Variants in MALRD1 observed in about 807,000 individuals in gnomAD.
The protein encoded by MALRD1 is MAM and LDL receptor class A domain containing 1.
In MALRD1, 247 loss-of-function variants were observed where a neutral mutation model predicts 242.1. That is an observed-to-expected ratio of 1.02 (90% CI 0.92 to 1.13). The LOEUF (loss-of-function observed/expected upper bound fraction) is 1.13. MALRD1 is among the 50% of genes most tolerant of loss of function. The probability of loss-of-function intolerance (pLI) is 0.00; values close to 1 mark genes in which losing one functional copy is unlikely to be tolerated. For synonymous variants in MALRD1, 995 were observed against 866.6 expected, an observed-to-expected ratio of 1.15 and a Z score of -2.60; for missense variants, 2,989 against 2,533.1, an observed-to-expected ratio of 1.18 and a Z score of -3.86.
intron 21 of MALRD1, among the ~76,000 whole-genome samples, chr10:19,313,644 A>G (rs1292975671): frequency 6.6e-6 from 1 of 151,652 alleles, no homozygotes; most frequent in Non-Finnish European, 1.5e-5. Context: ...TGAATCAATT[A>G]AAATGTTTTA....
At chr10:19,261,900 A>G (rs958360217) in intron 19 of MALRD1, among the ~76,000 whole-genome samples, 16 of 151,950 alleles carry the variant, frequency 1.1e-4, no homozygotes, top group African/African-American at 3.9e-4. Flanking sequence ...TCCACTGACT[A>G]CAACTGCAAG....
chr10:19,614,931 G>T (rs1441096990), intron 35 of MALRD1, among the ~76,000 whole-genome samples: 4 of 151,888 alleles, frequency 2.6e-5, no homozygotes, highest in Non-Finnish European at 5.9e-5. Flanking sequence ...AGTAAACAAA[G>T]CACTTTATTG....
chr10:19,445,326 T>A (rs1346751783), intron 28 of MALRD1, among the ~76,000 whole-genome samples: 1 of 152,228 alleles, frequency 6.6e-6, no homozygotes, highest in Non-Finnish European at 1.5e-5. Flanking sequence ...GTCAAAGTTA[T>A]TCTCCATCCA....
At chr10:19,141,259 G>A (rs923655669) in intron 10 of MALRD1, among the ~76,000 whole-genome samples, 4 of 152,122 alleles carry the variant, frequency 2.6e-5, no homozygotes, top group African/African-American at 4.8e-5. Flanking sequence ...CCTTGAAGAC[G>A]TTAAGTGAAA....
In MALRD1 at chr10:19,719,201, T is replaced by TACATATACAC. The variant is rs1564567225; in HGVS notation, c.6315-11504_6315-11503insCATATACACA. Among the ~76,000 whole-genome samples the TACATATACAC allele has an allele frequency of 3.1e-5, 3 of 95,872 alleles. No homozygotes were observed. In the East Asian group the frequency reaches 8.3e-4, roughly 26 times the overall value. The allele number at this position is 95,872 out of a possible 152,430, so 62.9% of individuals were successfully genotyped here. On this transcript the variant is annotated intron_variant, in intron 38 of 39. Transcript: ENST00000454679. ...ATATATATATATATACATACATATA[T>TACATATACAC]ATATATATATACACATACATACATA...
chr10:19,214,680 T>C (rs1475308672), intron 18 of MALRD1, among the ~76,000 whole-genome samples: 2 of 152,214 alleles, frequency 1.3e-5, no homozygotes, highest in Admixed American at 1.3e-4. Flanking sequence ...TCCTGGGAAC[T>C]TAACAATGTC....
chr10:19,530,362 T>A (rs1834308662), intron 31 of MALRD1, among the ~76,000 whole-genome samples: 1 of 107,964 alleles, frequency 9.3e-6, no homozygotes, highest in Non-Finnish European at 1.6e-5. Flanking sequence ...ATAATATTTA[T>A]ATAAATATTT....
At chr10:19,470,658 A>C (rs2131136743) in intron 29 of MALRD1, among the ~76,000 whole-genome samples, 1 of 151,952 alleles carries the variant, frequency 6.6e-6, no homozygotes, top group East Asian at 1.9e-4. Flanking sequence ...GGAGGTTTTG[A>C]TTTGTATTTC....
chr10:19,071,352 A>G (rs565288035), intron 2 of MALRD1, among the ~76,000 whole-genome samples: 3 of 149,742 alleles, frequency 2.0e-5, no homozygotes, highest in African/African-American at 7.4e-5. Flanking sequence ...TTTTTCTATC[A>G]TACCTAGCTA....
intron 14 of MALRD1, among the ~76,000 whole-genome samples, chr10:19,201,462 AG>A (rs1048465324): frequency 5.3e-4 from 80 of 152,336 alleles, no homozygotes; most frequent in African/African-American, 1.8e-3. Context: ...GCAGATAATA[AG>A]GTTCCCCTTC....
At position 19,216,215 on chromosome 10, in the gene MALRD1, T is replaced by A. The variant is rs193044853; in HGVS notation, c.2991+6535T>A. 1.5e-4 allele frequency among the ~76,000 whole-genome samples: 23 copies of A among 149,620 alleles called. 1 individual carries two copies. In the East Asian group the frequency reaches 4.6e-3, roughly 30 times the overall value. Reference sequence around the variant, plus strand: ...TCACTGCAACCTCTGCCTCCCAAGGTCAAGTGATTCTCCTGCCTCAGCCTC... The same window carrying A: ...TCACTGCAACCTCTGCCTCCCAAGGACAAGTGATTCTCCTGCCTCAGCCTC... On this transcript the variant is annotated intron_variant, in intron 18 of 39. Coordinates refer to ENST00000454679, the MANE Select transcript of MALRD1 (RefSeq NM_001142308.3).
chr10:19,052,046 T>A (rs576375220), intron 1 of MALRD1: 36 of 386,776 alleles, frequency 9.3e-5, no homozygotes, highest in South Asian at 6.8e-4. Flanking sequence ...TTAATATGAA[T>A]GGAGTTAATA....
At chr10:19,596,398 A>G (rs982900216) in intron 34 of MALRD1, among the ~76,000 whole-genome samples, 5 of 152,090 alleles carry the variant, frequency 3.3e-5, no homozygotes, top group Non-Finnish European at 5.9e-5. Flanking sequence ...ACTTTTTGGT[A>G]TAGTAAAAGG....
Position 19,165,750 on chromosome 10 carries a change from G to C in MALRD1, c.1770G>C (p.Gln590His), listed in dbSNP as rs1302728444. Residue 590 changes from glutamine (Q) to histidine (H), a missense_variant, in exon 13 of 40, where the codon CAG becomes CAC. Gln to His is a conservative substitution (Grantham distance 24, BLOSUM62 0). Transcript: ENST00000454679. ...AAATAATCAGATTCTCCGAATCTCA[G>C]TGGAGCCACGCAAAAATTGATCTCA... ...QGKIIRFSES[Q>H]WSHAKIDLIA... The C allele has an allele frequency of 1.6e-6, 2 of 1,231,558 alleles. No homozygotes were observed. Among genetic ancestry groups the C allele is most frequent in the African/African-American group, 3.1e-5 (2 of 64,404 alleles). The allele number at this position is 1,231,558 out of a possible 1,614,324, so 76.3% of individuals were successfully genotyped here.
chr10:19,719,223 C>CATATATATATATATATATGTAT (rs1834603347), intron 38 of MALRD1, among the ~76,000 whole-genome samples: 1 of 76,444 alleles, frequency 1.3e-5, no homozygotes, highest in Non-Finnish European at 2.4e-5. Context: ...CACATACATA[C>CATATATATATATATATATGTAT]ATATATATAT....
intron 14 of MALRD1, among the ~76,000 whole-genome samples, chr10:19,186,957 C>G (rs751342501): frequency 6.6e-6 from 1 of 152,190 alleles, no homozygotes; most frequent in African/African-American, 2.4e-5. Flanking sequence ...ATCGACGTCT[C>G]CCTGCCTTGC....
intron 12 of MALRD1, among the ~76,000 whole-genome samples, chr10:19,165,427 CG>C (rs1040519630): frequency 2.0e-5 from 3 of 150,922 alleles, no homozygotes; most frequent in Non-Finnish European, 4.4e-5. Context: ...CTCAGCCTTC[CG>C]AATAGCTGGG....
At chr10:19,471,071 G>T (rs1412853027) in intron 29 of MALRD1, among the ~76,000 whole-genome samples, 1 of 151,058 alleles carries the variant, frequency 6.6e-6, no homozygotes. Flanking sequence ...TGCCATTTGG[G>T]GTCTTATTTC....
At chr10:19,549,616 A>T (rs1835394919) in intron 32 of MALRD1, among the ~76,000 whole-genome samples, 2 of 152,214 alleles carry the variant, frequency 1.3e-5, no homozygotes, top group South Asian at 4.1e-4. Flanking sequence ...GCTGTTGCAC[A>T]CTTAACCGAC....
Sources: allele counts gnomAD v4.1 joint callset (sites outside exome capture counted in the v4.1 genomes callset), GRCh38; gene constraint gnomAD v4.1.1; transcripts MANE v1.5; gene names NCBI Gene and HGNC (gene_info 2026-07-23, HGNC 2026-07-21).